Variants in LRFN5 observed in about 807,000 individuals in gnomAD.
LRFN5 encodes leucine rich repeat and fibronectin type III domain containing 5.
In LRFN5, 24 loss-of-function variants were observed where a neutral mutation model predicts 45.6. That is an observed-to-expected ratio of 0.53 (90% CI 0.38 to 0.74). LRFN5 has a LOEUF of 0.74. LRFN5 is among the 30% of genes least tolerant of loss of function. The probability of loss-of-function intolerance (pLI) is 0.00; values close to 1 mark genes in which losing one functional copy is unlikely to be tolerated. For synonymous variants in LRFN5, 340 were observed against 313.8 expected, an observed-to-expected ratio of 1.08 and a Z score of -0.88; for missense variants, 776 against 861.5, an observed-to-expected ratio of 0.90 and a Z score of 1.24.
intron 2 of LRFN5, among the ~76,000 whole-genome samples, chr14:41,861,127 A>G (rs1889645572): frequency 6.6e-6 from 1 of 152,178 alleles, no homozygotes; most frequent in Non-Finnish European, 1.5e-5. Flanking sequence ...CTTGCTATAA[A>G]GAAAGCACAT....
rs576698104 is a variant in LRFN5, at chr14:41,742,167, A to G, written c.-196-24687A>G. Among the ~76,000 whole-genome samples the G allele has an allele frequency of 9.7e-4, 148 of 151,918 alleles. 1 individual carries two copies. Among genetic ancestry groups the G allele is most frequent in the Non-Finnish European group, 1.8e-3 (122 of 68,022 alleles). The stretch of plus-strand genomic sequence containing the variant: ...CCCCAAAAATGTTACTTTTGGATAT[A>G]TAGCCAATGAATCTGAAATCAGCAT... On this transcript the variant is annotated intron_variant, in intron 1 of 5. Transcript: ENST00000298119.
chr14:41,867,517 A>G (rs1228867153), intron 2 of LRFN5, among the ~76,000 whole-genome samples: 1 of 151,732 alleles, frequency 6.6e-6, no homozygotes, highest in Non-Finnish European at 1.5e-5. Flanking sequence ...AATTCTTTCC[A>G]CTCATTTTTC....
chr14:41,743,471 AAAAAT>A (rs1884793146), intron 1 of LRFN5, among the ~76,000 whole-genome samples: 1 of 152,210 alleles, frequency 6.6e-6, no homozygotes, highest in Admixed American at 6.5e-5. Flanking sequence ...TCAATAAAAT[AAAAAT>A]AAAACAGTTT....
chr14:41,648,232 A>G (rs1473588788), intron 1 of LRFN5, among the ~76,000 whole-genome samples: 2 of 152,148 alleles, frequency 1.3e-5, no homozygotes, highest in East Asian at 3.8e-4. Flanking sequence ...ATTGTTTAAA[A>G]TTGTTCTTGA....
At chr14:41,656,799 G>A (rs1283796543) in intron 1 of LRFN5, among the ~76,000 whole-genome samples, 1 of 151,850 alleles carries the variant, frequency 6.6e-6, no homozygotes, top group Non-Finnish European at 1.5e-5. Context: ...GGGATTGAAA[G>A]TGTGACATTA....
intron 2 of LRFN5, among the ~76,000 whole-genome samples, chr14:41,884,011 C>T (rs1040115511): frequency 7.2e-5 from 11 of 152,166 alleles, no homozygotes; most frequent in African/African-American, 2.4e-4. Context: ...GTACCTATTA[C>T]CCTGCCTCCA....
At chr14:41,754,120 G>C (rs1348635984) in intron 1 of LRFN5, among the ~76,000 whole-genome samples, 3 of 152,190 alleles carry the variant, frequency 2.0e-5, no homozygotes, top group Non-Finnish European at 2.9e-5. Context: ...AAACCCACTT[G>C]ATCATGGTGG....
At chr14:41,692,660 G>A (rs1566623849) in intron 1 of LRFN5, among the ~76,000 whole-genome samples, 2 of 152,230 alleles carry the variant, frequency 1.3e-5, no homozygotes, top group South Asian at 4.1e-4. Context: ...GTGAGAACAT[G>A]CGGTGTTTGG....
intron 1 of LRFN5, among the ~76,000 whole-genome samples, chr14:41,626,155 A>ATT (rs1888323916): frequency 6.6e-6 from 1 of 152,088 alleles, no homozygotes; most frequent in Non-Finnish European, 1.5e-5. Context: ...TGTTAATGTA[A>ATT]AAATTCATAG....
intron 1 of LRFN5, among the ~76,000 whole-genome samples, chr14:41,763,980 T>C (rs1165644265): frequency 6.6e-6 from 1 of 152,136 alleles, no homozygotes; most frequent in African/African-American, 2.4e-5. Context: ...AACTAAGAAA[T>C]TGACCATAAT....
intron 2 of LRFN5, among the ~76,000 whole-genome samples, chr14:41,838,774 T>A (rs1888753983): frequency 6.6e-6 from 1 of 152,180 alleles, no homozygotes; most frequent in South Asian, 2.1e-4. Context: ...ACTTAGCCTG[T>A]CTTAGACTGA....
intron 4 of LRFN5, among the ~76,000 whole-genome samples, chr14:41,896,317 G>A (rs1890938655): frequency 6.6e-6 from 1 of 152,152 alleles, no homozygotes; most frequent in Non-Finnish European, 1.5e-5. Flanking sequence ...ATCATGCTAA[G>A]AAAACTGTTC....
chr14:41,829,460 G>T (rs1210264645), intron 2 of LRFN5, among the ~76,000 whole-genome samples: 1 of 151,880 alleles, frequency 6.6e-6, no homozygotes, highest in East Asian at 1.9e-4. Flanking sequence ...AGCAATTTCA[G>T]ACAAATTGTC....
chr14:41,778,017 G>C (rs1049899629), intron 2 of LRFN5, among the ~76,000 whole-genome samples: 1 of 147,824 alleles, frequency 6.8e-6, no homozygotes, highest in African/African-American at 2.5e-5. Flanking sequence ...TTGGTGGGGG[G>C]GGGGGATTGA....
chr14:41,617,288 C>G (rs1031699566), intron 1 of LRFN5, among the ~76,000 whole-genome samples: 1 of 152,092 alleles, frequency 6.6e-6, no homozygotes, highest in African/African-American at 2.4e-5. Context: ...AACCCTATAG[C>G]TTTATCATGA....
rs1259403137 is a variant in LRFN5, at chr14:41,607,824, C to T, written c.-935C>T. On this transcript the variant is annotated 5_prime_UTR_variant, in exon 1 of 6. Coordinates refer to ENST00000298119, the MANE Select transcript of LRFN5 (RefSeq NM_152447.5). ...TTGCAGCCCTCTTGTTTCCGTGTAT[C>T]TACACCTTCTTCTCTTGGCCAGAAG... The T allele has an allele frequency of 2.0e-5, 3 of 152,184 alleles. No individual in the cohort carries two copies. Among genetic ancestry groups the T allele is most frequent in the African/African-American group, 7.2e-5 (3 of 41,432 alleles). The allele number at this position is 152,184 out of a possible 1,614,324, so 9.4% of individuals were successfully genotyped here. A position where few individuals can be genotyped will look rare whatever the true frequency, so the allele number is the denominator to read the frequency against.
chr14:41,900,721 A>T (rs931451736), intron 5 of LRFN5, among the ~76,000 whole-genome samples: 15 of 151,758 alleles, frequency 9.9e-5, no homozygotes, highest in Non-Finnish European at 2.1e-4. Flanking sequence ...TTACTGTATG[A>T]CCCCAAGGTA....
At chr14:41,672,163 A>T (rs1881268715) in intron 1 of LRFN5, among the ~76,000 whole-genome samples, 1 of 152,210 alleles carries the variant, frequency 6.6e-6, no homozygotes, top group South Asian at 2.1e-4. Flanking sequence ...TTACCTCACT[A>T]GACGTTAGGA....
chr14:41,873,014 A>C (rs1000547139), intron 2 of LRFN5, among the ~76,000 whole-genome samples: 1 of 152,214 alleles, frequency 6.6e-6, no homozygotes, highest in African/African-American at 2.4e-5. Flanking sequence ...CTTGATTTAA[A>C]ATTCACTGAG....
Sources: gnomAD v4.1 joint callset for allele counts (sites outside exome capture counted in the v4.1 genomes callset) on GRCh38, gnomAD v4.1.1 for gene constraint, MANE v1.5 for transcripts, NCBI Gene and HGNC (gene_info 2026-07-23, HGNC 2026-07-21) for gene names.